Variants in HMGCLL1 observed in about 807,000 individuals in gnomAD.
HMGCLL1 encodes 3-hydroxymethyl-3-methylglutaryl-CoA lyase, cytoplasmic.
Under a neutral mutation model 39.1 loss-of-function variants are expected in HMGCLL1, and 36 were observed. The observed-to-expected ratio is 0.92, with a 90% CI of 0.71 to 1.22. The LOEUF (loss-of-function observed/expected upper bound fraction) is 1.22. HMGCLL1 is among the 50% of genes most tolerant of loss of function. HMGCLL1 has a pLI of 0.00. For synonymous variants in HMGCLL1, 149 were observed against 144.0 expected, an observed-to-expected ratio of 1.03 and a Z score of -0.25; for missense variants, 451 against 416.5, an observed-to-expected ratio of 1.08 and a Z score of -0.72.
chr6:55,677,135 G>A, the HMGCLL1 span, among the ~76,000 whole-genome samples: 124 of 152,250 alleles, frequency 8.1e-4, no homozygotes, highest in Middle Eastern at 0.024. Context: ...AGTGGCTCAC[G>A]CTTGTAATCC....
At chr6:55,568,367 G>A (rs1364586448) in intron 1 of HMGCLL1, among the ~76,000 whole-genome samples, 1 of 152,102 alleles carries the variant, frequency 6.6e-6, no homozygotes, top group East Asian at 1.9e-4. Context: ...ATAATCCAGT[G>A]TTCAGAAATG....
chr6:55,586,440 A>G, the HMGCLL1 span, among the ~76,000 whole-genome samples: 1 of 151,922 alleles, frequency 6.6e-6, no homozygotes, highest in African/African-American at 2.4e-5. Context: ...ACATGTGCAC[A>G]ATGAGCAGGT....
the HMGCLL1 span, among the ~76,000 whole-genome samples, chr6:55,612,434 T>C: frequency 2.0e-5 from 3 of 152,020 alleles, no homozygotes; most frequent in Admixed American, 1.3e-4. Context: ...CTTCACAGAA[T>C]TAGAAAAAAA....
chr6:55,519,977 T>C (rs1767952600), intron 3 of HMGCLL1, among the ~76,000 whole-genome samples: 1 of 151,760 alleles, frequency 6.6e-6, no homozygotes, highest in Admixed American at 6.6e-5. Context: ...TTTTTTTAAA[T>C]AGATGTTTCA....
At chr6:55,559,689 G>C (rs551040508) in intron 1 of HMGCLL1, among the ~76,000 whole-genome samples, 1 of 152,130 alleles carries the variant, frequency 6.6e-6, no homozygotes, top group African/African-American at 2.4e-5. Context: ...TAGACATACT[G>C]CCTAATTAAA....
At chr6:55,606,534 T>C in the HMGCLL1 span, among the ~76,000 whole-genome samples, 2 of 152,110 alleles carry the variant, frequency 1.3e-5, no homozygotes, top group Non-Finnish European at 2.9e-5. Context: ...TTTTATTTGC[T>C]CTTCTATACA....
the HMGCLL1 span, among the ~76,000 whole-genome samples, chr6:55,678,855 T>C: frequency 6.6e-6 from 1 of 152,162 alleles, no homozygotes; most frequent in Non-Finnish European, 1.5e-5. Context: ...TCCCGACATA[T>C]AAGCATTATT....
At chr6:55,527,040 G>A (rs1306173532) in intron 3 of HMGCLL1, among the ~76,000 whole-genome samples, 1 of 152,008 alleles carries the variant, frequency 6.6e-6, no homozygotes, top group East Asian at 1.9e-4. Flanking sequence ...AAGTCTATCT[G>A]ACTGCAAAGC....
At chr6:55,578,837 TG>T in intron 1 of HMGCLL1, 110 bp downstream of exon 1, 1 of 764,664 alleles carries the variant, frequency 1.3e-6, no homozygotes, top group Non-Finnish European at 2.2e-6. Flanking sequence ...GGAAGGGTCC[TG>T]GGGTGAGGAG....
Position 55,453,966 on chromosome 6 carries a change from C to T in HMGCLL1, c.796-14407G>A, listed in dbSNP as rs572124281. On this transcript the variant is annotated intron_variant, in intron 7 of 8. Transcript: ENST00000274901. ...TTTAGTGAAAGGTGAAAGTTGCTTTCTTGAAAATCATTATAGACATAGAAA... is the reference window on the plus strand; with the variant it reads ...TTTAGTGAAAGGTGAAAGTTGCTTTTTTGAAAATCATTATAGACATAGAAA... Among the ~76,000 whole-genome samples, 85 of 152,292 alleles carry T rather than the reference C, an allele frequency of 5.6e-4. 1 individual carries two copies. In the South Asian group the frequency reaches 5.8e-3, roughly 10 times the overall value.
chr6:55,644,156 G>C, the HMGCLL1 span, among the ~76,000 whole-genome samples: 1 of 152,046 alleles, frequency 6.6e-6, no homozygotes, highest in Non-Finnish European at 1.5e-5. Context: ...CTGAAGATCA[G>C]TGATGTTGAG....
Position 55,516,569 on chromosome 6 carries a change from T to C in HMGCLL1, c.332A>G (p.His111Arg), listed in dbSNP as rs771849840. 4 of 1,602,852 alleles carry C rather than the reference T, an allele frequency of 2.5e-6. No homozygotes were observed. In the Admixed American group the frequency reaches 6.7e-5, roughly 27 times the overall value. Residue 111 changes from histidine (H) to arginine (R), a missense_variant, in exon 4 of 9, where the codon CAT becomes CGT. Coordinates refer to ENST00000274901, the MANE Select transcript of HMGCLL1 (RefSeq NM_001042406.2). ...AGGATAGCGAACTCCTGGATATTGA[T>C]GAATGCCTTTCATTACTTCAGTGTG... ...ADHTEVMKGIHQYPGVRYPVL... is the reference protein window; with the variant it reads ...ADHTEVMKGIRQYPGVRYPVL...
At chr6:55,580,697 C>CA (rs1771967901), upstream of HMGCLL1, among the ~76,000 whole-genome samples, 2 of 152,080 alleles carry the variant, frequency 1.3e-5, no homozygotes, top group Admixed American at 1.3e-4. Context: ...TTACAGGGGT[C>CA]AGCCACCGCG....
At chr6:55,649,700 A>C in the HMGCLL1 span, among the ~76,000 whole-genome samples, 1 of 151,830 alleles carries the variant, frequency 6.6e-6, no homozygotes, top group Non-Finnish European at 1.5e-5. Context: ...CTCCTCTTTA[A>C]GGCCAAAACC....
rs577056563 is a variant in HMGCLL1 at position 55,530,860 on chromosome 6, A to T, written c.297+10869T>A. On this transcript the variant is annotated intron_variant, in intron 3 of 8. Transcript: ENST00000274901. ...GAAAAATCACTTTATTTTTATTTTTAAAAAATATTCAAATAACATAACTCT... is the reference window on the plus strand; with the variant it reads ...GAAAAATCACTTTATTTTTATTTTTTAAAAATATTCAAATAACATAACTCT... Among the ~76,000 whole-genome samples the T allele has an allele frequency of 9.2e-5, 14 of 152,282 alleles. No individual in the cohort carries two copies. In the East Asian group the frequency reaches 2.3e-3, roughly 25 times the overall value.
At chr6:55,594,610 T>C in the HMGCLL1 span, among the ~76,000 whole-genome samples, 11 of 152,306 alleles carry the variant, frequency 7.2e-5, no homozygotes, top group East Asian at 1.2e-3. Context: ...ATATCTACTA[T>C]TCCCCTTTCA....
intron 7 of HMGCLL1, among the ~76,000 whole-genome samples, chr6:55,451,765 G>GT (rs780484013): frequency 2.6e-5 from 4 of 152,070 alleles, no homozygotes; most frequent in Non-Finnish European, 4.4e-5. Context: ...ATGTTAATAA[G>GT]TTTTTTTAAG....
chr6:55,521,874 T>C (rs1768058368), intron 3 of HMGCLL1, among the ~76,000 whole-genome samples: 1 of 152,052 alleles, frequency 6.6e-6, no homozygotes, highest in African/African-American at 2.4e-5. Flanking sequence ...GAAAGGAATG[T>C]TGAAAGCCCC....
chr6:55,600,255 A>G, the HMGCLL1 span, among the ~76,000 whole-genome samples: 3 of 152,174 alleles, frequency 2.0e-5, no homozygotes, highest in African/African-American at 7.2e-5. Context: ...CAAAATAATT[A>G]TGCAAATTAA....
Sources: allele counts gnomAD v4.1 joint callset (sites outside exome capture counted in the v4.1 genomes callset), GRCh38; gene constraint gnomAD v4.1.1; transcripts MANE v1.5; gene names NCBI Gene and HGNC (gene_info 2026-07-23, HGNC 2026-07-21).